Variants in SPATA16 observed in about 807,000 individuals in gnomAD.
SPATA16 encodes the protein spermatogenesis associated 16, also known as spermatogenesis-associated protein 16.
Under a neutral mutation model 63.3 loss-of-function variants are expected in SPATA16, and 36 were observed. That is an observed-to-expected ratio of 0.57 (90% CI 0.44 to 0.75). The LOEUF (loss-of-function observed/expected upper bound fraction) is 0.75. SPATA16 is among the 30% of genes least tolerant of loss of function. The pLI is 0.00. For synonymous variants in SPATA16, 203 were observed against 216.7 expected (o/e 0.94, Z 0.56); for missense variants, 646 against 679.3 (o/e 0.95, Z 0.54).
At chr3:173,032,801 C>A (rs548921930) in intron 3 of SPATA16, among the ~76,000 whole-genome samples, 1 of 152,212 alleles carries the variant, frequency 6.6e-6, no homozygotes, top group Non-Finnish European at 1.5e-5. Flanking sequence ...GGAAGTAATA[C>A]TCACCGTTAT....
chr3:173,098,851 G>A (rs574950592), intron 2 of SPATA16, among the ~76,000 whole-genome samples: 7 of 152,182 alleles, frequency 4.6e-5, no homozygotes, highest in Non-Finnish European at 8.8e-5. Context: ...GATCACTAAA[G>A]GATTACAACC....
chr3:172,943,338 A>G (rs567482635), intron 6 of SPATA16, among the ~76,000 whole-genome samples: 3 of 152,356 alleles, frequency 2.0e-5, no homozygotes, highest in East Asian at 3.9e-4. Context: ...GTCTTTTTAA[A>G]TGGAACAACA....
intron 5 of SPATA16, among the ~76,000 whole-genome samples, chr3:172,961,924 T>G (rs1326827282): frequency 6.6e-6 from 1 of 152,012 alleles, no homozygotes; most frequent in Non-Finnish European, 1.5e-5. Flanking sequence ...CTGCCTAGCA[T>G]AATCCCCTAT....
At chr3:172,994,976 G>T (rs879265849) in intron 4 of SPATA16, among the ~76,000 whole-genome samples, 1 of 152,060 alleles carries the variant, frequency 6.6e-6, no homozygotes, top group African/African-American at 2.4e-5. Flanking sequence ...GGGGGTGCTT[G>T]AATATTCAGA....
At chr3:172,924,019 T>C (rs183014414) in intron 8 of SPATA16, among the ~76,000 whole-genome samples, 189 bp downstream of exon 8, 68 of 152,170 alleles carry the variant, frequency 4.5e-4, no homozygotes, top group African/African-American at 1.5e-3. Flanking sequence ...AAGTGTAGCA[T>C]TATAGTATGT....
At chr3:173,067,231 A>G (rs1237179536) in intron 2 of SPATA16, among the ~76,000 whole-genome samples, 1 of 152,342 alleles carries the variant, frequency 6.6e-6, no homozygotes, top group East Asian at 1.9e-4. Context: ...GACTGAACAA[A>G]GAAAATGTGA....
chr3:173,058,360 G>T (rs1458270502), intron 2 of SPATA16, among the ~76,000 whole-genome samples: 1 of 151,970 alleles, frequency 6.6e-6, no homozygotes, highest in African/African-American at 2.4e-5. Flanking sequence ...TATACATCTT[G>T]CCCACGGGTT....
chr3:172,971,680 T>C (rs1734050592), intron 5 of SPATA16, among the ~76,000 whole-genome samples: 1 of 152,142 alleles, frequency 6.6e-6, no homozygotes, highest in Admixed American at 6.5e-5. Context: ...CAAATACAAT[T>C]TGAGCATAAA....
At chr3:172,891,494 T>A (rs1042352659) in intron 10 of SPATA16, among the ~76,000 whole-genome samples, 8 of 152,220 alleles carry the variant, frequency 5.3e-5, no homozygotes, top group African/African-American at 1.9e-4. Context: ...CCTGTCTCCC[T>A]CCTGTGCTTT....
At chr3:173,016,406 A>C (rs778035958) in intron 4 of SPATA16, among the ~76,000 whole-genome samples, 64 of 152,136 alleles carry the variant, frequency 4.2e-4, no homozygotes, top group Non-Finnish European at 7.2e-4. Context: ...AAATCCCTTC[A>C]TGGGTGATGA....
chr3:172,979,721 C>T (rs973458446), intron 4 of SPATA16, among the ~76,000 whole-genome samples: 1 of 151,894 alleles, frequency 6.6e-6, no homozygotes, highest in East Asian at 1.9e-4. Flanking sequence ...CACCTGGGGG[C>T]TCAAGTCTTT....
chr3:172,924,203 C>A lies in SPATA16; in HGVS notation c.1338+5G>T, dbSNP rs1171543940. 1.2e-6 allele frequency: 2 copies of A among 1,600,194 alleles called. No homozygotes were observed. The highest frequency in any genetic ancestry group is 1.7e-6 in the Non-Finnish European group (2 of 1,168,100). On this transcript the variant is annotated splice_donor_5th_base_variant and intron_variant, in intron 8 of 10. Transcript: ENST00000351008. ...TGGACAAATATAAAAGACTCATATACCTACATTCAATTGGGTGCTTCTAAT... is the reference window on the plus strand; with the variant it reads ...TGGACAAATATAAAAGACTCATATAACTACATTCAATTGGGTGCTTCTAAT...
At chr3:173,093,351 A>T (rs932386128) in intron 2 of SPATA16, among the ~76,000 whole-genome samples, 1 of 152,146 alleles carries the variant, frequency 6.6e-6, no homozygotes, top group Non-Finnish European at 1.5e-5. Flanking sequence ...ACTCTGTCAG[A>T]TGCCATGTAC....
intron 8 of SPATA16, among the ~76,000 whole-genome samples, 166 bp from the exon 9 acceptor site, chr3:172,916,647 T>C (rs1732496528): frequency 6.6e-6 from 1 of 152,202 alleles, no homozygotes; most frequent in Non-Finnish European, 1.5e-5. Context: ...GTCTTATACC[T>C]CTTTTTCTAG....
chr3:173,095,180 C>T (rs1737323073), intron 2 of SPATA16, among the ~76,000 whole-genome samples: 1 of 152,048 alleles, frequency 6.6e-6, no homozygotes, highest in East Asian at 1.9e-4. Flanking sequence ...AATGGTCGAC[C>T]TACTTCTTTG....
At chr3:172,940,844 G>A (rs189635614) in intron 6 of SPATA16, among the ~76,000 whole-genome samples, 28 of 152,154 alleles carry the variant, frequency 1.8e-4, no homozygotes, top group African/African-American at 3.6e-4. Flanking sequence ...TTAGCTGGGC[G>A]TGGTGGCACG....
intron 6 of SPATA16, among the ~76,000 whole-genome samples, chr3:172,949,520 A>C (rs1230942485): frequency 6.6e-6 from 1 of 152,226 alleles, no homozygotes; most frequent in African/African-American, 2.4e-5. Context: ...TTCAGTCTTC[A>C]GGGATTTTAA....
intron 4 of SPATA16, among the ~76,000 whole-genome samples, chr3:173,010,867 C>T (rs112428550): frequency 0.019 from 2,845 of 152,176 alleles, 93 homozygotes; most frequent in African/African-American, 0.064. Flanking sequence ...CTCCCCATTA[C>T]AGCCAGCACC....
At chr3:173,078,462 C>A (rs1484361621) in intron 2 of SPATA16, among the ~76,000 whole-genome samples, 2 of 152,128 alleles carry the variant, frequency 1.3e-5, no homozygotes, top group South Asian at 4.1e-4. Flanking sequence ...TGGCTAAAAA[C>A]GTATCTGTTG....
Sources: allele counts gnomAD v4.1 joint callset (sites outside exome capture counted in the v4.1 genomes callset), GRCh38; gene constraint gnomAD v4.1.1; transcripts MANE v1.5; gene names NCBI Gene and HGNC (gene_info 2026-07-23, HGNC 2026-07-21).